C12orf50: variants seen among roughly 807,000 people sequenced by gnomAD.
The protein encoded by C12orf50 is uncharacterized protein C12orf50.
Under a neutral mutation model 61.6 loss-of-function variants are expected in C12orf50, and 35 were observed. The ratio of observed to expected loss-of-function variants is 0.57; its 90% CI spans 0.43 to 0.75. The LOEUF is 0.75. Ranked by LOEUF, C12orf50 falls within the 30% of genes least tolerant of loss-of-function variation. C12orf50 has a pLI of 0.00. For synonymous variants in C12orf50, 178 were observed against 161.5 expected (o/e 1.10, Z -0.77); for missense variants, 475 against 488.5 (o/e 0.97, Z 0.26).
At position 87,986,114 on chromosome 12, in the gene C12orf50, A is replaced by G. The variant is rs1257388836; in HGVS notation, c.923-61T>C. On this transcript the variant is annotated intron_variant, in intron 10 of 12. Coordinates refer to ENST00000298699, the MANE Select transcript of C12orf50 (RefSeq NM_152589.3). ...CAGGCTGGTTTCACACCCATAAATA[A>G]CATATTGCACTGCAAATACTTCATA... 4.0e-6 allele frequency: 6 copies of G among 1,514,054 alleles called. No homozygotes were observed. In the East Asian group the frequency reaches 6.8e-5, roughly 17 times the overall value. The allele number at this position is 1,514,054 out of a possible 1,614,324, so 93.8% of individuals were successfully genotyped here. A position where few individuals can be genotyped will look rare whatever the true frequency, so the allele number is the denominator to read the frequency against.
chr12:88,026,371 T>C (rs1038311230), intron 3 of C12orf50, 117 bp downstream of exon 3: 13 of 1,128,556 alleles, frequency 1.2e-5, no homozygotes, highest in Non-Finnish European at 1.6e-5. Context: ...AATTACCCAT[T>C]GGCTATTAAA....
At chr12:88,007,849 G>A (rs1189653796) in intron 3 of C12orf50, among the ~76,000 whole-genome samples, 3 of 151,854 alleles carry the variant, frequency 2.0e-5, no homozygotes, top group African/African-American at 4.8e-5. Context: ...TAAATTAAAT[G>A]CCAGTGATAA....
chr12:87,983,271 C>T (rs943855563), intron 11 of C12orf50, 76 bp from the exon 12 acceptor site: 20 of 896,682 alleles, frequency 2.2e-5, no homozygotes, highest in Non-Finnish European at 3.2e-5. Flanking sequence ...AAGTTATAAA[C>T]ATCTCAGGGG....
At chr12:88,023,021 G>T (rs1300176435) in intron 3 of C12orf50, among the ~76,000 whole-genome samples, 2 of 151,938 alleles carry the variant, frequency 1.3e-5, no homozygotes, top group African/African-American at 4.8e-5. Flanking sequence ...AATTAATGTG[G>T]AACCCAAAAG....
At chr12:88,010,517 A>G (rs2032067633) in intron 3 of C12orf50, among the ~76,000 whole-genome samples, 2 of 149,626 alleles carry the variant, frequency 1.3e-5, no homozygotes, top group African/African-American at 4.9e-5. Context: ...TTATAAATGG[A>G]ATCATTACGG....
chr12:87,989,268 A>G lies in C12orf50; in HGVS notation c.696T>C (p.Thr232=), dbSNP rs1592649323. Residue 232 remains threonine, a synonymous_variant, in exon 8 of 13, where the codon ACT becomes ACC. Coordinates refer to ENST00000298699, the MANE Select transcript of C12orf50 (RefSeq NM_152589.3). ...KEITISKCSN[T]KDNKDSPHPK... ...AAATTATATAATATTCATTACCTTT[A>G]GTATTTGAACATTTTGATATGGTGA... The G allele has an allele frequency of 1.3e-6, 2 of 1,590,746 alleles. No individual in the cohort carries two copies. Among genetic ancestry groups the G allele is most frequent in the Non-Finnish European group, 1.7e-6 (2 of 1,161,196 alleles).
At chr12:88,027,427 C>A (rs1341467530) in intron 1 of C12orf50, among the ~76,000 whole-genome samples, 1 of 152,090 alleles carries the variant, frequency 6.6e-6, no homozygotes, top group South Asian at 2.1e-4. Flanking sequence ...TGGAAGAAAG[C>A]CAGATGAAAT....
At chr12:88,025,610 G>A (rs879613712) in intron 3 of C12orf50, among the ~76,000 whole-genome samples, 7 of 152,026 alleles carry the variant, frequency 4.6e-5, no homozygotes, top group South Asian at 2.1e-4. Context: ...GTGGCGGTGC[G>A]TGCCTGTAGT....
At chr12:88,018,026 A>C (rs190766515) in intron 3 of C12orf50, among the ~76,000 whole-genome samples, 130 of 152,370 alleles carry the variant, frequency 8.5e-4, no homozygotes, top group African/African-American at 2.9e-3. Flanking sequence ...GGGAAATTCA[A>C]GCTGGCTGCA....
At chr12:88,014,110 A>G (rs910655249) in intron 3 of C12orf50, among the ~76,000 whole-genome samples, 2 of 152,208 alleles carry the variant, frequency 1.3e-5, no homozygotes, top group African/African-American at 4.8e-5. Context: ...GCAGTCTTCT[A>G]TAAAATATAA....
chr12:87,997,685 A>G (rs1019710666), intron 4 of C12orf50, among the ~76,000 whole-genome samples: 2 of 152,086 alleles, frequency 1.3e-5, no homozygotes, highest in Non-Finnish European at 2.9e-5. Context: ...TTCTTGTGTT[A>G]GTTTGCTGAG....
At position 87,985,777 on chromosome 12, in the gene C12orf50, G is replaced by T. The variant is rs191660517; in HGVS notation, c.1126+73C>A. On this transcript the variant is annotated intron_variant, in intron 11 of 12. Transcript: ENST00000298699. ...GGGGAGTAAGTAGTAGTGAAGTTTAGCCAAGCTGTCAAGAAATTCCATGGG... is the reference window on the plus strand; with the variant it reads ...GGGGAGTAAGTAGTAGTGAAGTTTATCCAAGCTGTCAAGAAATTCCATGGG... 5.1e-4 allele frequency: 770 copies of T among 1,497,964 alleles called. 6 individuals carry two copies. In the African/African-American group the frequency reaches 9.5e-3, roughly 19 times the overall value. The allele number at this position is 1,497,964 out of a possible 1,614,324, so 92.8% of individuals were successfully genotyped here. A position where few individuals can be genotyped will look rare whatever the true frequency, so the allele number is the denominator to read the frequency against.
In C12orf50 at chr12:87,983,202, G is replaced by A. The variant is rs974144149; in HGVS notation, c.1127-7C>T. ...GATGTTGACGTATATTTGTCTGAGG[G>A]AAAAAAATCCAGAATTAAATATTTT... On this transcript the variant is annotated splice_polypyrimidine_tract_variant and splice_region_variant and intron_variant, in intron 11 of 12. Transcript: ENST00000298699. 2 of 1,550,046 alleles carry A rather than the reference G, an allele frequency of 1.3e-6. No homozygotes were observed. Among genetic ancestry groups the A allele is most frequent in the Non-Finnish European group, 8.8e-7 (1 of 1,137,832 alleles).
chr12:87,996,494 A>C lies in C12orf50; in HGVS notation c.368-7T>G, dbSNP rs368823654. On this transcript the variant is annotated splice_region_variant and splice_polypyrimidine_tract_variant and intron_variant, in intron 5 of 12. Transcript: ENST00000298699. ...TGAAATCTGTAGTATTCCCCTAATC[A>C]ACCATAAGAAAAGTAATGGTTAGTA... 166 of 1,603,676 alleles carry C rather than the reference A, an allele frequency of 1.0e-4. No homozygotes were observed. Among genetic ancestry groups the C allele is most frequent in the Non-Finnish European group, 1.3e-4 (150 of 1,171,100 alleles).
intron 8 of C12orf50, 73 bp downstream of exon 8, chr12:87,989,191 T>C (rs2030996046): frequency 9.4e-7 from 1 of 1,068,550 alleles, no homozygotes; most frequent in South Asian, 1.5e-5. Flanking sequence ...TATTGGTTTT[T>C]ATAACAAGCA....
chr12:87,993,682 A>G (rs923410403), intron 7 of C12orf50, among the ~76,000 whole-genome samples: 1 of 152,100 alleles, frequency 6.6e-6, no homozygotes, highest in Non-Finnish European at 1.5e-5. Context: ...ACCTGCTCTC[A>G]ACCTCCTTCC....
intron 3 of C12orf50, among the ~76,000 whole-genome samples, chr12:88,009,134 C>A (rs554376289): frequency 6.6e-6 from 1 of 152,186 alleles, no homozygotes; most frequent in South Asian, 2.1e-4. Flanking sequence ...TCCAGATGTA[C>A]ACAGTAATGG....
intron 9 of C12orf50, 52 bp downstream of exon 9, chr12:87,987,798 A>G: frequency 8.7e-7 from 1 of 1,144,658 alleles, no homozygotes; most frequent in Non-Finnish European, 1.3e-6. Flanking sequence ...AAACAAATCC[A>G]TGGTAAGACA....
chr12:87,986,022 C>T lies in C12orf50; in HGVS notation c.954G>A (p.Met318Ile). Reference sequence around the variant, plus strand: ...GATTTTTATTATTGCGGTGATAACTCATTTTATTTTGGGGTCTTGGGGCCT... The same window carrying T: ...GATTTTTATTATTGCGGTGATAACTTATTTTATTTTGGGGTCTTGGGGCCT... ...AVQAPRPQNK[M>I]SYHRNNKNRN... is the part of the protein sequence containing the mutation. The change falls in exon 11 of 13, where the codon ATG (methionine) becomes ATA (isoleucine). Residue 318 changes from methionine (M) to isoleucine (I), a missense_variant. Met to Ile is a conservative substitution (Grantham distance 10, BLOSUM62 1). Transcript: ENST00000298699. The T allele has an allele frequency of 6.2e-7, 1 of 1,613,762 alleles. No homozygotes were observed.
Sources: allele counts gnomAD v4.1 joint callset (sites outside exome capture counted in the v4.1 genomes callset), GRCh38; gene constraint gnomAD v4.1.1; transcripts MANE v1.5; gene names NCBI Gene and HGNC (gene_info 2026-07-23, HGNC 2026-07-21).